Variants in SSH2 observed in about 807,000 individuals in gnomAD.
SSH2 encodes the protein slingshot protein phosphatase 2.
A neutral mutation model predicts 135.2 loss-of-function variants in SSH2; 37 were observed. The observed-to-expected ratio is 0.27, with a 90% CI of 0.21 to 0.36. The LOEUF is 0.36. Among genes scored for constraint, SSH2 ranks in the 10% least tolerant of loss-of-function variants. SSH2 has a pLI of 1.00. For missense variants in SSH2, 1,408 were observed against 1,765.3 expected (o/e 0.80, Z 3.63); for synonymous variants, 628 against 646.2 (o/e 0.97, Z 0.43).
At chr17:29,905,663 G>C (rs930703456) in intron 1 of SSH2, among the ~76,000 whole-genome samples, 1 of 152,218 alleles carries the variant, frequency 6.6e-6, no homozygotes, top group Non-Finnish European at 1.5e-5. Context: ...GGCAGACAGA[G>C]TGCCAGGTGG....
At chr17:29,876,347 T>C (rs2066030510) in intron 1 of SSH2, among the ~76,000 whole-genome samples, 1 of 152,142 alleles carries the variant, frequency 6.6e-6, no homozygotes, top group Non-Finnish European at 1.5e-5. Flanking sequence ...CACACATCTA[T>C]AGTGAACTCA....
chr17:29,805,945 T>G, intron 2 of SSH2, among the ~76,000 whole-genome samples: 1 of 152,040 alleles, frequency 6.6e-6, no homozygotes, highest in Non-Finnish European at 1.5e-5. Flanking sequence ...ATACAGAAGA[T>G]GCTCAGTAGA....
chr17:29,696,710 A>C (rs2038772052), intron 4 of SSH2, among the ~76,000 whole-genome samples: 1 of 149,276 alleles, frequency 6.7e-6, no homozygotes, highest in South Asian at 2.1e-4. Context: ...TTTTGAGACA[A>C]GAGTCTCGCT....
At chr17:29,759,264 G>A (rs1598951394) in intron 3 of SSH2, among the ~76,000 whole-genome samples, 1 of 151,786 alleles carries the variant, frequency 6.6e-6, no homozygotes, top group African/African-American at 2.4e-5. Context: ...TCCAATTCCT[G>A]GGCTCAAGCA....
intron 15 of SSH2, 140 bp from the exon 16 acceptor site, chr17:29,633,071 C>T (rs1225664086): frequency 2.8e-6 from 2 of 720,368 alleles, no homozygotes. Flanking sequence ...TGGGACCACA[C>T]TCTGCCCATC....
intron 3 of SSH2, among the ~76,000 whole-genome samples, chr17:29,779,926 CAA>C (rs1272269556): frequency 7.4e-6 from 1 of 135,838 alleles, no homozygotes; most frequent in South Asian, 2.5e-4. Flanking sequence ...AACAACAAAA[CAA>C]AAAAACAACT....
intron 1 of SSH2, among the ~76,000 whole-genome samples, chr17:29,850,093 A>T (rs2065528296): frequency 6.6e-6 from 1 of 151,280 alleles, no homozygotes; most frequent in South Asian, 2.1e-4. Context: ...AACAGGCACC[A>T]GAAAACAATT....
intron 13 of SSH2, among the ~76,000 whole-genome samples, chr17:29,649,566 T>A (rs1277664567): frequency 1.3e-5 from 2 of 151,902 alleles, no homozygotes; most frequent in Admixed American, 1.3e-4. Context: ...AAAAAAAAAT[T>A]TTTTTTTGTA....
chr17:29,648,368 G>T (rs752401742), intron 13 of SSH2, 24 bp from the exon 14 acceptor site: 3 of 1,570,498 alleles, frequency 1.9e-6, no homozygotes, highest in Non-Finnish European at 2.6e-6. Context: ...TTGAGGTAAA[G>T]AATAGAGGAA....
intron 5 of SSH2, among the ~76,000 whole-genome samples, chr17:29,687,884 A>C (rs2038290541): frequency 6.6e-6 from 1 of 152,234 alleles, no homozygotes; most frequent in Non-Finnish European, 1.5e-5. Context: ...TGATTGGCTA[A>C]GTCAAAGCTG....
At chr17:29,786,635 A>C (rs1183565686) in intron 3 of SSH2, among the ~76,000 whole-genome samples, 2 of 152,156 alleles carry the variant, frequency 1.3e-5, no homozygotes, top group Non-Finnish European at 2.9e-5. Context: ...TGAGAAAAAA[A>C]AAATATTGCT....
intron 4 of SSH2, among the ~76,000 whole-genome samples, chr17:29,698,330 A>C (rs2038843040): frequency 1.3e-5 from 2 of 152,196 alleles, no homozygotes. Context: ...TAAATGAGTA[A>C]ACTGGGTGAA....
intron 3 of SSH2, among the ~76,000 whole-genome samples, chr17:29,786,178 G>A (rs1265512165): frequency 6.6e-6 from 1 of 152,170 alleles, no homozygotes; most frequent in Non-Finnish European, 1.5e-5. Flanking sequence ...AAAAAGTTGA[G>A]TTCATAAATA....
chr17:29,836,867 C>T (rs2042951347), intron 2 of SSH2, among the ~76,000 whole-genome samples: 1 of 152,146 alleles, frequency 6.6e-6, no homozygotes, highest in Admixed American at 6.6e-5. Context: ...TTTGTCTTAA[C>T]CGGGGTCATC....
chr17:29,811,143 G>A (rs749458026), intron 2 of SSH2, among the ~76,000 whole-genome samples: 2 of 151,848 alleles, frequency 1.3e-5, no homozygotes, highest in Admixed American at 6.6e-5. Flanking sequence ...CTACAGGTGC[G>A]CACCACCACA....
chr17:29,700,185 T>C (rs757806303), intron 4 of SSH2, among the ~76,000 whole-genome samples: 5 of 152,186 alleles, frequency 3.3e-5, no homozygotes, highest in African/African-American at 4.8e-5. Flanking sequence ...GTTCCTTTCT[T>C]AGTAATTACA....
intron 1 of SSH2, among the ~76,000 whole-genome samples, chr17:29,853,551 T>C (rs2065605688): frequency 6.6e-6 from 1 of 151,832 alleles, no homozygotes; most frequent in East Asian, 1.9e-4. Flanking sequence ...TATTTTCTTC[T>C]TTTGCATGTC....
At chr17:29,746,244 C>A (rs915523667) in intron 3 of SSH2, among the ~76,000 whole-genome samples, 2 of 151,900 alleles carry the variant, frequency 1.3e-5, no homozygotes, top group Non-Finnish European at 2.9e-5. Context: ...CAAACTAAAG[C>A]TCCCCCTAAA....
chr17:29,901,137 G>C (rs1460512906), intron 1 of SSH2, among the ~76,000 whole-genome samples: 2 of 152,150 alleles, frequency 1.3e-5, no homozygotes, highest in African/African-American at 2.4e-5. Flanking sequence ...TGTGGGTTGG[G>C]GGGAGGGGAG....
Sources: gnomAD v4.1 joint callset for allele counts (sites outside exome capture counted in the v4.1 genomes callset) on GRCh38, gnomAD v4.1.1 for gene constraint, MANE v1.5 for transcripts, NCBI Gene and HGNC (gene_info 2026-07-23, HGNC 2026-07-21) for gene names.